Variants in TRAPPC10 observed in about 807,000 individuals in gnomAD.
TRAPPC10 encodes trafficking protein particle complex subunit 10.
In TRAPPC10, 23 loss-of-function variants were observed where a neutral mutation model predicts 125.5. The observed-to-expected ratio is 0.18, with a 90% CI of 0.13 to 0.26. TRAPPC10 has a LOEUF of 0.26. Among genes scored for constraint, TRAPPC10 ranks in the 10% least tolerant of loss-of-function variants. TRAPPC10 has a pLI of 1.00. For missense variants in TRAPPC10, 1,123 were observed against 1,308.4 expected (o/e 0.86, Z 2.19); for synonymous variants, 509 against 518.0 (o/e 0.98, Z 0.24).
chr21:44,092,153 C>A, intron 19 of TRAPPC10, 104 bp downstream of exon 19: 1 of 1,433,720 alleles, frequency 7.0e-7, no homozygotes, highest in Non-Finnish European at 9.5e-7. Flanking sequence ...AGAACAGCTG[C>A]ACTGCTGATG....
rs372309534 is a variant in TRAPPC10 at position 44,039,900 on chromosome 21, C to T, written c.285+1973C>T. Among the ~76,000 whole-genome samples the T allele has an allele frequency of 4.3e-4, 65 of 152,256 alleles. 1 individual carries two copies. The highest frequency in any genetic ancestry group is 1.5e-3 in the African/African-American group (61 of 41,548). Reference sequence around the variant, plus strand: ...AAGAAATCACGAACTGATACTGATGCGTCCAATTTTATAACTTGGAGGGCT... The same window carrying T: ...AAGAAATCACGAACTGATACTGATGTGTCCAATTTTATAACTTGGAGGGCT... On this transcript the variant is annotated intron_variant, in intron 3 of 22. Transcript: ENST00000291574.
chr21:44,057,821 G>T (rs1184121286), intron 5 of TRAPPC10, among the ~76,000 whole-genome samples: 1 of 152,190 alleles, frequency 6.6e-6, no homozygotes, highest in Non-Finnish European at 1.5e-5. Flanking sequence ...AGTGGGACCT[G>T]GGTGGGCCCT....
intron 2 of TRAPPC10, among the ~76,000 whole-genome samples, chr21:44,035,579 A>G (rs914150144): frequency 9.2e-5 from 14 of 152,236 alleles, no homozygotes; most frequent in African/African-American, 3.4e-4. Flanking sequence ...GGAGTTTAAG[A>G]CCAGCCTGGC....
intron 3 of TRAPPC10, among the ~76,000 whole-genome samples, chr21:44,038,559 G>A (rs2145730202): frequency 6.6e-6 from 1 of 152,116 alleles, no homozygotes; most frequent in Middle Eastern, 3.4e-3. Flanking sequence ...GCTTTCACTT[G>A]TATTTTCTGG....
At chr21:44,029,729 T>C (rs1013614204) in intron 1 of TRAPPC10, among the ~76,000 whole-genome samples, 1 of 152,226 alleles carries the variant, frequency 6.6e-6, no homozygotes, top group Non-Finnish European at 1.5e-5. Flanking sequence ...CATGGGGCCT[T>C]CCTGCGTTCC....
intron 4 of TRAPPC10, 121 bp from the exon 5 acceptor site, chr21:44,055,577 C>G: frequency 1.7e-6 from 1 of 591,624 alleles, no homozygotes; most frequent in Non-Finnish European, 2.6e-6. Context: ...AACTCTGTCT[C>G]AAAAAAAAAA....
intron 5 of TRAPPC10, among the ~76,000 whole-genome samples, chr21:44,058,432 G>C (rs1436142095): frequency 6.6e-6 from 1 of 152,142 alleles, no homozygotes; most frequent in Non-Finnish European, 1.5e-5. Context: ...GATTTTGCAG[G>C]GCCTGGGGAT....
rs1023779187 is a variant in TRAPPC10, at chr21:44,082,930, G to T, written c.1866G>T (p.Val622=). The change falls in exon 14 of 23, where the codon GTG becomes GTT. Residue 622 remains valine (V), a synonymous_variant. Coordinates refer to ENST00000291574, the MANE Select transcript of TRAPPC10 (RefSeq NM_003274.5). The surrounding 1 kb of genome is among the most constrained non-coding windows in gnomAD (Gnocchi z 4.4). Reference sequence around the variant, plus strand: ...GCCAGATGCCTGTGCCTGTTCACGTGGAGCAGATTGTGGTCAATGTCCACT... The same window carrying T: ...GCCAGATGCCTGTGCCTGTTCACGTTGAGCAGATTGTGGTCAATGTCCACT... The part of the protein sequence containing the change: ...MYSQMPVPVH[V]EQIVVNVHFS... The T allele has an allele frequency of 2.5e-6, 4 of 1,613,970 alleles. No homozygotes were observed. Among genetic ancestry groups the T allele is most frequent in the African/African-American group, 2.7e-5 (2 of 74,888 alleles).
chr21:44,061,513 C>T (rs147208125), intron 6 of TRAPPC10, among the ~76,000 whole-genome samples: 170 of 152,048 alleles, frequency 1.1e-3, no homozygotes, highest in African/African-American at 3.7e-3. Flanking sequence ...GTGATTCGCC[C>T]GCCTCAGCCT....
chr21:44,013,137 G>A (rs1217059472), intron 1 of TRAPPC10, among the ~76,000 whole-genome samples: 1 of 129,986 alleles, frequency 7.7e-6, no homozygotes, highest in African/African-American at 4.3e-5. Flanking sequence ...CGAGGCTCGG[G>A]CGCTTAGGCG....
Position 44,027,872 on chromosome 21 carries a change from C to T in TRAPPC10, c.68-4219C>T, listed in dbSNP as rs1437740143. Among the ~76,000 whole-genome samples, 5 of 152,154 alleles carry T rather than the reference C, an allele frequency of 3.3e-5. No homozygotes were observed. The South Asian group carries it at 6.2e-4, about 19-fold the overall frequency. On this transcript the variant is annotated intron_variant, in intron 1 of 22. Transcript: ENST00000291574. ...AGGGCCCCAGAGATCTCCCTTGCCCCTTCCCCCACGTGAGGGCACAGCAAG... is the reference window on the plus strand; with the variant it reads ...AGGGCCCCAGAGATCTCCCTTGCCCTTTCCCCCACGTGAGGGCACAGCAAG...
At chr21:44,074,816 G>A (rs1035528770) in intron 8 of TRAPPC10, among the ~76,000 whole-genome samples, 12 of 152,220 alleles carry the variant, frequency 7.9e-5, no homozygotes, top group Non-Finnish European at 1.3e-4. Flanking sequence ...CGTAGCCTGG[G>A]GAACTCAGGG....
chr21:44,074,465 G>A lies in TRAPPC10; in HGVS notation c.1180G>A (p.Glu394Lys), dbSNP rs1327545037. The change falls in exon 8 of 23, where the codon GAA becomes AAA. Residue 394 changes from glutamate (E) to lysine (K), a missense_variant. Physicochemically the swap from Glu to Lys is moderately conservative, Grantham distance 56. This residue lies in a region of TRAPPC10 where 840 missense variants were observed against 902.0 expected (regional missense o/e 0.93). Coordinates refer to ENST00000291574, the MANE Select transcript of TRAPPC10 (RefSeq NM_003274.5). ...HTVGLWSYAT[E>K]KLKSLGYLCG... ...TGTGGGGCTATGGAGCTATGCCACAGAAAAGGTGCCTACCTGCCCAAGTGT... is the reference window on the plus strand; with the variant it reads ...TGTGGGGCTATGGAGCTATGCCACAAAAAAGGTGCCTACCTGCCCAAGTGT... 1 of 1,614,186 alleles carries A rather than the reference G, an allele frequency of 6.2e-7. No homozygotes were observed. Among genetic ancestry groups the A allele is most frequent in the South Asian group, 1.1e-5 (1 of 91,078 alleles).
At chr21:44,019,404 G>A (rs1457213486) in intron 1 of TRAPPC10, among the ~76,000 whole-genome samples, 2 of 152,176 alleles carry the variant, frequency 1.3e-5, no homozygotes, top group Admixed American at 6.5e-5. Context: ...TGCCTCTGTG[G>A]TGGGTTGCCT....
At chr21:44,026,984 AAGAC>A (rs2147219438) in intron 1 of TRAPPC10, among the ~76,000 whole-genome samples, 1 of 152,348 alleles carries the variant, frequency 6.6e-6, no homozygotes, top group South Asian at 2.1e-4. Flanking sequence ...CTTTGAAAAT[AAGAC>A]AGCCCATTAG....
chr21:44,073,094 C>T (rs2037004986), intron 7 of TRAPPC10, among the ~76,000 whole-genome samples: 1 of 151,634 alleles, frequency 6.6e-6, no homozygotes. Flanking sequence ...AAGTGGCTTC[C>T]GATTATGCAG....
chr21:44,053,783 G>A (rs2145846178), intron 4 of TRAPPC10, among the ~76,000 whole-genome samples: 1 of 152,264 alleles, frequency 6.6e-6, no homozygotes, highest in East Asian at 1.9e-4. Flanking sequence ...CAGTCTGCGC[G>A]CCTGGGGGGA....
At chr21:44,081,005 CTTTTTTTTTTTCTTTTTTTT>C (rs1223503090) in intron 13 of TRAPPC10, among the ~76,000 whole-genome samples, 1 of 103,870 alleles carries the variant, frequency 9.6e-6, no homozygotes, top group Non-Finnish European at 2.2e-5. Flanking sequence ...TATTATTGTT[CTTTTTTTTTTTCTTTTTTTT>C]TTTTTTTTTT....
At chr21:44,053,355 A>T (rs1192594129) in intron 4 of TRAPPC10, among the ~76,000 whole-genome samples, 1 of 152,108 alleles carries the variant, frequency 6.6e-6, no homozygotes, top group African/African-American at 2.4e-5. Context: ...TGTTGTTTAT[A>T]CTTGTTTTTT....
Sources: gnomAD v4.1 joint callset for allele counts (sites outside exome capture counted in the v4.1 genomes callset) on GRCh38, gnomAD v4.1.1 for gene constraint, gnomAD v4.1.1 regional missense constraint, Gnocchi (gnomAD v3.1) non-coding constraint, MANE v1.5 for transcripts, NCBI Gene and HGNC (gene_info 2026-07-23, HGNC 2026-07-21) for gene names.